Variants in TNFAIP8 observed in about 807,000 individuals in gnomAD.
TNFAIP8 encodes the protein TNF alpha induced protein 8.
A neutral mutation model predicts 13.3 loss-of-function variants in TNFAIP8; 7 were observed. The ratio of observed to expected loss-of-function variants is 0.52; its 90% CI spans 0.30 to 0.99. The LOEUF (loss-of-function observed/expected upper bound fraction) is 0.99. Among genes scored for constraint, TNFAIP8 ranks in the 50% least tolerant of loss-of-function variants. The probability of loss-of-function intolerance (pLI) is 0.07; values close to 1 mark genes in which losing one functional copy is unlikely to be tolerated. For missense variants in TNFAIP8, 258 were observed against 236.9 expected (o/e 1.09, Z -0.58); for synonymous variants, 94 against 87.6 (o/e 1.07, Z -0.41).
chr5:119,347,284 G>A (rs1165585900), intron 1 of TNFAIP8, among the ~76,000 whole-genome samples: 5 of 152,144 alleles, frequency 3.3e-5, no homozygotes, highest in African/African-American at 1.2e-4. Context: ...ATCATTAGGG[G>A]GAATGGTAGC....
At chr5:119,310,562 C>T (rs924998511) in intron 1 of TNFAIP8, among the ~76,000 whole-genome samples, 3 of 152,096 alleles carry the variant, frequency 2.0e-5, no homozygotes, top group African/African-American at 7.2e-5. Flanking sequence ...AGGCCAGGTG[C>T]GGTGGCTCAC....
intron 1 of TNFAIP8, among the ~76,000 whole-genome samples, chr5:119,325,758 T>C (rs1750206832): frequency 6.6e-6 from 1 of 152,216 alleles, no homozygotes; most frequent in South Asian, 2.1e-4. Flanking sequence ...TCCCAGCTGC[T>C]TCTTACAGCT....
At chr5:119,315,485 C>G (rs1009200757) in intron 1 of TNFAIP8, among the ~76,000 whole-genome samples, 4 of 152,146 alleles carry the variant, frequency 2.6e-5, no homozygotes, top group African/African-American at 9.7e-5. Context: ...AAAAAAACAA[C>G]AGACAATGTG....
At chr5:119,371,821 A>T (rs1752083351) in intron 1 of TNFAIP8, among the ~76,000 whole-genome samples, 1 of 151,946 alleles carries the variant, frequency 6.6e-6, no homozygotes, top group African/African-American at 2.4e-5. Context: ...CAAGAGTTCG[A>T]GACCAGCCGG....
intron 1 of TNFAIP8, among the ~76,000 whole-genome samples, chr5:119,370,392 A>C (rs1419953724): frequency 6.6e-6 from 1 of 152,276 alleles, no homozygotes; most frequent in East Asian, 1.9e-4. Flanking sequence ...TAATTCATGC[A>C]TTTAACAACT....
At chr5:119,358,561 A>G (rs941310431) in intron 1 of TNFAIP8, among the ~76,000 whole-genome samples, 4 of 152,236 alleles carry the variant, frequency 2.6e-5, no homozygotes, top group Non-Finnish European at 5.9e-5. Flanking sequence ...TTATTCAGAC[A>G]TAGAATAAAT....
chr5:119,377,298 G>A (rs1012718814), intron 1 of TNFAIP8, among the ~76,000 whole-genome samples: 3 of 152,004 alleles, frequency 2.0e-5, no homozygotes, highest in African/African-American at 7.3e-5. Flanking sequence ...AGCTACTTAG[G>A]AGGCTGAGGT....
chr5:119,275,235 A>C (rs1202147666), intron 1 of TNFAIP8, among the ~76,000 whole-genome samples: 1 of 152,184 alleles, frequency 6.6e-6, no homozygotes, highest in Non-Finnish European at 1.5e-5. Flanking sequence ...TAACAACCAA[A>C]ACAATTAGTG....
chr5:119,395,011 G>T lies in TNFAIP8; in HGVS notation c.*1630G>T, dbSNP rs545674068. ...CACAACTAAAAATTCCAGAAGTTGA[G>T]ATCTGCTCTAACCCATTTCAGCCTA... On this transcript the variant is annotated 3_prime_UTR_variant, in exon 2 of 2. Transcript: ENST00000504771. The T allele has an allele frequency of 6.6e-5, 10 of 152,256 alleles. No individual in the cohort carries two copies. Among genetic ancestry groups the T allele is most frequent in the African/African-American group, 2.4e-4 (10 of 41,544 alleles). 9.4% of individuals were successfully genotyped at this position (152,256 alleles called of 1,614,324 possible).
chr5:119,381,563 A>G (rs576870577), intron 1 of TNFAIP8, among the ~76,000 whole-genome samples: 8 of 152,158 alleles, frequency 5.3e-5, no homozygotes, highest in African/African-American at 1.9e-4. Context: ...AAAAATTAAA[A>G]AAACGGAGTA....
At chr5:119,285,939 A>G (rs1043972325) in intron 1 of TNFAIP8, among the ~76,000 whole-genome samples, 1 of 152,222 alleles carries the variant, frequency 6.6e-6, no homozygotes, top group Non-Finnish European at 1.5e-5. Context: ...GTAAAAAGGC[A>G]TATTGTAAGT....
intron 1 of TNFAIP8, among the ~76,000 whole-genome samples, chr5:119,294,396 A>G (rs897680426): frequency 6.6e-6 from 1 of 152,154 alleles, no homozygotes; most frequent in African/African-American, 2.4e-5. Context: ...TTATGGCTGC[A>G]TAGTATTCCC....
chr5:119,349,551 G>C (rs1751041037), intron 1 of TNFAIP8, among the ~76,000 whole-genome samples: 1 of 152,194 alleles, frequency 6.6e-6, no homozygotes, highest in Non-Finnish European at 1.5e-5. Context: ...CAGTAATCAG[G>C]GCCAGGTCTC....
At chr5:119,309,142 T>A (rs2112667115) in intron 1 of TNFAIP8, among the ~76,000 whole-genome samples, 1 of 152,320 alleles carries the variant, frequency 6.6e-6, no homozygotes, top group African/African-American at 2.4e-5. Context: ...AACCACAACT[T>A]CCTTCCTCTG....
intron 1 of TNFAIP8, among the ~76,000 whole-genome samples, chr5:119,379,903 C>G (rs1270082813): frequency 6.6e-6 from 1 of 152,152 alleles, no homozygotes; most frequent in African/African-American, 2.4e-5. Context: ...TGTGCTCCTT[C>G]TTTTTAGTTC....
At chr5:119,391,513 A>T in intron 1 of TNFAIP8, 1 of 680,986 alleles carries the variant, frequency 1.5e-6, no homozygotes, top group Non-Finnish European at 2.7e-6. Flanking sequence ...TAATCCCAGC[A>T]CTTTGGGAGG....
chr5:119,333,262 A>C, intron 1 of TNFAIP8: 1 of 1,065,592 alleles, frequency 9.4e-7, no homozygotes, highest in Non-Finnish European at 1.1e-6. Context: ...GCAGGCAGCA[A>C]CCAGTCCATC....
At position 119,341,478 on chromosome 5, in the gene TNFAIP8, G is replaced by A. The variant is rs141844225; in HGVS notation, c.2-51338G>A. On this transcript the variant is annotated intron_variant, in intron 1 of 1. Coordinates refer to the TNFAIP8 transcript ENST00000274456. ...TTCGGTCCCAAGGCTACCAGCTTAC[G>A]ATCCTTGGGCTATAAGCCATCTGAC... 1.4e-4 allele frequency among the ~76,000 whole-genome samples: 21 copies of A among 152,336 alleles called. No individual in the cohort carries two copies. The South Asian group carries it at 1.9e-3, about 14-fold the overall frequency.
At chr5:119,330,816 A>G (rs549933055) in intron 1 of TNFAIP8, among the ~76,000 whole-genome samples, 1 of 152,048 alleles carries the variant, frequency 6.6e-6, no homozygotes, top group African/African-American at 2.4e-5. Context: ...GACTTCCCTA[A>G]TGACAGCTTA....
Sources: allele counts gnomAD v4.1 joint callset (sites outside exome capture counted in the v4.1 genomes callset), GRCh38; gene constraint gnomAD v4.1.1; transcripts MANE v1.5; gene names NCBI Gene and HGNC (gene_info 2026-07-23, HGNC 2026-07-21).